The following RABGAP1L variants were observed in gnomAD, a reference collection of about 807,000 sequenced individuals.
The protein encoded by RABGAP1L is RAB GTPase activating protein 1 like, also known as rab GTPase-activating protein 1-like.
In RABGAP1L, 63 loss-of-function variants were observed where a neutral mutation model predicts 137.7. The ratio of observed to expected loss-of-function variants is 0.46; its 90% CI spans 0.37 to 0.56. RABGAP1L has a LOEUF of 0.56. Among genes scored for constraint, RABGAP1L ranks in the 20% least tolerant of loss-of-function variants. RABGAP1L has a pLI of 0.00. For synonymous variants in RABGAP1L, 431 were observed against 433.7 expected (o/e 0.99, Z 0.08); for missense variants, 1,095 against 1,244.0 (o/e 0.88, Z 1.80).
intron 16 of RABGAP1L, 37 bp downstream of exon 16, chr1:174,699,687 T>C (rs1679506438): frequency 1.9e-6 from 3 of 1,548,942 alleles, no homozygotes; most frequent in Non-Finnish European, 2.7e-6. Flanking sequence ...ACTCAGGGAT[T>C]TGTTGAGTCA....
At chr1:174,403,742 T>C (rs766387465) in intron 13 of RABGAP1L, among the ~76,000 whole-genome samples, 1 of 152,032 alleles carries the variant, frequency 6.6e-6, no homozygotes, top group Admixed American at 6.6e-5. Flanking sequence ...GAGCACATGA[T>C]GTGTATAATA....
chr1:174,548,985 G>A (rs938386743), intron 13 of RABGAP1L, among the ~76,000 whole-genome samples: 2 of 152,144 alleles, frequency 1.3e-5, no homozygotes, highest in African/African-American at 4.8e-5. Flanking sequence ...TTTAGTGGCC[G>A]ATACTTGAAA....
chr1:174,434,102 T>TACACACACACACACAC (rs1400358664), intron 13 of RABGAP1L, among the ~76,000 whole-genome samples: 2 of 102,766 alleles, frequency 1.9e-5, no homozygotes, highest in African/African-American at 4.9e-5. Context: ...CGCATGCGTG[T>TACACACACACACACAC]ACACATACAC....
intron 14 of RABGAP1L, among the ~76,000 whole-genome samples, chr1:174,663,377 A>G (rs1228620111): frequency 1.3e-5 from 2 of 152,370 alleles, no homozygotes; most frequent in South Asian, 2.1e-4. Context: ...TATTCAGTCC[A>G]TAAGACTAAA....
At chr1:174,779,013 C>T (rs2148755657) in intron 18 of RABGAP1L, among the ~76,000 whole-genome samples, 1 of 152,256 alleles carries the variant, frequency 6.6e-6, no homozygotes, top group African/African-American at 2.4e-5. Context: ...TGTAGTGATT[C>T]TATATAAAAT....
intron 13 of RABGAP1L, chr1:174,547,970 CTTTTTG>C: frequency 1.3e-6 from 2 of 1,550,410 alleles, no homozygotes; most frequent in East Asian, 2.4e-5. Context: ...ATTACTTATA[CTTTTTG>C]TTTTAGTTCC....
intron 10 of RABGAP1L, among the ~76,000 whole-genome samples, chr1:174,285,045 T>C (rs1675935977): frequency 6.6e-6 from 1 of 151,970 alleles, no homozygotes; most frequent in African/African-American, 2.4e-5. Flanking sequence ...TGATGGAGTG[T>C]TGCTCTTGTT....
At chr1:174,413,879 T>C (rs1650231715) in intron 13 of RABGAP1L, among the ~76,000 whole-genome samples, 1 of 152,112 alleles carries the variant, frequency 6.6e-6, no homozygotes, top group Non-Finnish European at 1.5e-5. Context: ...TGTCAGGCAG[T>C]GTACTGATTC....
Position 174,212,715 on chromosome 1 carries a change from A to G in RABGAP1L, c.-33-6410A>G, listed in dbSNP as rs183875942. On this transcript the variant is annotated intron_variant, in intron 1 of 25. Coordinates refer to ENST00000681986, the MANE Select transcript of RABGAP1L (RefSeq NM_001366446.1). ...CAGGGCAGAAATAAATTAATTTGAC[A>G]TGAAGAAAATAATATAATAGATCAA... Among the ~76,000 whole-genome samples, 213 of 152,264 alleles carry G rather than the reference A, an allele frequency of 1.4e-3. 2 individuals are homozygous for G. The highest frequency in any genetic ancestry group is 5.0e-3 in the African/African-American group (208 of 41,572).
At chr1:174,364,743 C>G (rs1684465683) in intron 11 of RABGAP1L, among the ~76,000 whole-genome samples, 1 of 152,020 alleles carries the variant, frequency 6.6e-6, no homozygotes, top group African/African-American at 2.4e-5. Context: ...TGTGCTGGGT[C>G]ACCCCTGAAA....
chr1:174,947,983 G>A (rs1005440409), intron 19 of RABGAP1L, among the ~76,000 whole-genome samples: 2 of 152,094 alleles, frequency 1.3e-5, no homozygotes, highest in Non-Finnish European at 2.9e-5. Context: ...GGAAGTGGTG[G>A]TTGTGTTCTC....
chr1:174,982,432 G>A (rs1671224011), intron 23 of RABGAP1L, among the ~76,000 whole-genome samples: 1 of 152,174 alleles, frequency 6.6e-6, no homozygotes, highest in African/African-American at 2.4e-5. Flanking sequence ...TTCTTTCTGT[G>A]ACAGTAGAAA....
chr1:174,935,984 CAAAAAAAAA>C (rs58215269), intron 19 of RABGAP1L, among the ~76,000 whole-genome samples: 14 of 43,172 alleles, frequency 3.2e-4, no homozygotes, highest in Non-Finnish European at 4.4e-4. Flanking sequence ...TCCATCTCAC[CAAAAAAAAA>C]AAAAAAAAAA....
chr1:174,973,981 T>G (rs1036567205), intron 21 of RABGAP1L, among the ~76,000 whole-genome samples: 10 of 47,492 alleles, frequency 2.1e-4, no homozygotes, highest in African/African-American at 1.8e-3. Flanking sequence ...TGTTTTTTGT[T>G]TTTTTTTTTT....
intron 19 of RABGAP1L, among the ~76,000 whole-genome samples, chr1:174,894,083 C>A (rs1279804442): frequency 6.6e-6 from 1 of 152,114 alleles, no homozygotes; most frequent in Non-Finnish European, 1.5e-5. Flanking sequence ...AGATTGTGAC[C>A]ACAATTTTGA....
chr1:174,329,020 A>G (rs1238850500), intron 11 of RABGAP1L, among the ~76,000 whole-genome samples: 2 of 148,988 alleles, frequency 1.3e-5, no homozygotes, highest in Admixed American at 1.3e-4. Flanking sequence ...AATATAAATG[A>G]AATAAAGACT....
chr1:174,305,047 G>C lies in RABGAP1L; in HGVS notation c.1385G>C (p.Arg462Pro). 6.4e-7 allele frequency: 1 copy of C among 1,563,578 alleles called. No individual in the cohort carries two copies. The highest frequency in any genetic ancestry group is 8.6e-7 in the Non-Finnish European group (1 of 1,159,666). ...ATATATGAGGTGGTGAGTCTACAGC[G>C]AGAGTCTGACAAGGAGGAACCAGTC... The part of the protein sequence containing the change: ...DAIYEVVSLQ[R>P]ESDKEEPVTP... Residue 462 changes from arginine to proline, a missense_variant, in exon 11 of 26, where the codon CGA (arginine) becomes CCA (proline). Around this residue, in one of 4 missense-constraint regions of RABGAP1L, gnomAD observed 315 missense variants for 324.8 expected, o/e 0.97. Transcript: ENST00000681986.
intron 13 of RABGAP1L, among the ~76,000 whole-genome samples, chr1:174,562,693 TGTCCTTTGC>T (rs1557851517): frequency 6.6e-6 from 1 of 152,210 alleles, no homozygotes. Flanking sequence ...GATGAGTTCA[TGTCCTTTGC>T]AAGTACATGG....
intron 13 of RABGAP1L, among the ~76,000 whole-genome samples, chr1:174,626,834 C>G (rs1005170609): frequency 6.6e-6 from 1 of 152,116 alleles, no homozygotes; most frequent in Non-Finnish European, 1.5e-5. Flanking sequence ...TAAATCAGAC[C>G]GACCACTGCA....
Sources: allele counts gnomAD v4.1 joint callset (sites outside exome capture counted in the v4.1 genomes callset), GRCh38; gene constraint gnomAD v4.1.1; regional missense constraint gnomAD v4.1.1; transcripts MANE v1.5; gene names NCBI Gene and HGNC (gene_info 2026-07-23, HGNC 2026-07-21).